SYNPO: variants seen among roughly 807,000 people sequenced by gnomAD.
SYNPO encodes the protein synaptopodin.
Under a neutral mutation model 49.5 loss-of-function variants are expected in SYNPO, and 19 were observed. The ratio of observed to expected loss-of-function variants is 0.38; its 90% CI spans 0.27 to 0.56. The LOEUF (loss-of-function observed/expected upper bound fraction) is 0.56. Among genes scored for constraint, SYNPO ranks in the 20% least tolerant of loss-of-function variants. The pLI, the probability that SYNPO is intolerant of heterozygous loss-of-function variation, is 0.68. For synonymous variants in SYNPO, 536 were observed against 548.0 expected (o/e 0.98, Z 0.31); for missense variants, 1,131 against 1,248.3 (o/e 0.91, Z 1.42).
chr5:150,613,165 AG>A (rs1756895983), intron 1 of SYNPO, among the ~76,000 whole-genome samples: 1 of 149,330 alleles, frequency 6.7e-6, no homozygotes, highest in Non-Finnish European at 1.5e-5. Flanking sequence ...CCTGCCAGCC[AG>A]CCCTTTTTTC....
At chr5:150,603,005 T>G (rs1249714163) in intron 1 of SYNPO, among the ~76,000 whole-genome samples, 6 of 147,114 alleles carry the variant, frequency 4.1e-5, no homozygotes, top group African/African-American at 1.5e-4. Context: ...AGGGTGTGTG[T>G]GTGTGTGTGT....
At chr5:150,646,760 C>T (rs1041078714) in intron 1 of SYNPO, among the ~76,000 whole-genome samples, 8 of 147,240 alleles carry the variant, frequency 5.4e-5, no homozygotes, top group East Asian at 2.0e-4. Flanking sequence ...AAAAAGCAGA[C>T]GGTGGTTTAT....
chr5:150,629,929 A>T (rs1425245256), intron 2 of SYNPO, among the ~76,000 whole-genome samples: 1 of 152,134 alleles, frequency 6.6e-6, no homozygotes, highest in Admixed American at 6.5e-5. Flanking sequence ...CTTCTTCGCA[A>T]CATGGTCTCT....
chr5:150,640,665 A>G lies in SYNPO; in HGVS notation c.-522A>G. 1 of 985,610 alleles carries G rather than the reference A, an allele frequency of 1.0e-6. No individual in the cohort carries two copies. The highest frequency in any genetic ancestry group is 1.2e-6 in the Non-Finnish European group (1 of 829,942). The allele number at this position is 985,610 out of a possible 1,614,324, so 61.1% of individuals were successfully genotyped here. On this transcript the variant is annotated 5_prime_UTR_variant, in exon 1 of 3. Coordinates refer to ENST00000307662, the MANE Select transcript of SYNPO (RefSeq NM_007286.6). ...GTTGCAAAATCGGTTTTCCTGATAA[A>G]GAGCTGGGCTGAGTCATCTGTGGAG...
chr5:150,643,944 G>A lies in SYNPO; in HGVS notation c.-333+3090G>A, dbSNP rs546962763. ...AATCCCAGCACTTTGGGAGGCTGAGGTGGGTGGATCACTTGAGCTCAGGAG... is the reference window on the plus strand; with the variant it reads ...AATCCCAGCACTTTGGGAGGCTGAGATGGGTGGATCACTTGAGCTCAGGAG... On this transcript the variant is annotated intron_variant, in intron 1 of 2. Transcript: ENST00000307662. 3.3e-5 allele frequency among the ~76,000 whole-genome samples: 5 copies of A among 152,202 alleles called. No individual in the cohort carries two copies. The South Asian group carries it at 1.0e-3, about 32-fold the overall frequency.
intron 2 of SYNPO, among the ~76,000 whole-genome samples, chr5:150,631,434 G>T (rs1425200006): frequency 6.6e-6 from 1 of 152,212 alleles, no homozygotes; most frequent in Admixed American, 6.5e-5. Flanking sequence ...GGAGCAGCCA[G>T]TGCAGAGGCC....
At chr5:150,626,770 G>C (rs1337615316) in intron 2 of SYNPO, among the ~76,000 whole-genome samples, 1 of 152,230 alleles carries the variant, frequency 6.6e-6, no homozygotes, top group Non-Finnish European at 1.5e-5. Context: ...CTGGGGCCAA[G>C]GAGGGGAAGA....
chr5:150,592,397 G>A, the SYNPO span, among the ~76,000 whole-genome samples: 1 of 152,108 alleles, frequency 6.6e-6, no homozygotes, highest in African/African-American at 2.4e-5. Context: ...ATGAAAGAGA[G>A]TTTTTAAAGG....
intron 2 of SYNPO, among the ~76,000 whole-genome samples, chr5:150,619,411 T>C (rs975160650): frequency 1.3e-5 from 2 of 152,138 alleles, no homozygotes; most frequent in African/African-American, 4.8e-5. Context: ...CAAGGGCAGA[T>C]AGAACACCAC....
At chr5:150,609,145 T>C (rs1379239963) in intron 1 of SYNPO, among the ~76,000 whole-genome samples, 3 of 152,236 alleles carry the variant, frequency 2.0e-5, no homozygotes, top group Non-Finnish European at 2.9e-5. Context: ...TTTTAAGCCA[T>C]TGACAATGTC....
At chr5:150,637,710 C>T (rs1023056884), upstream of SYNPO, among the ~76,000 whole-genome samples, 1 of 152,216 alleles carries the variant, frequency 6.6e-6, no homozygotes, top group Non-Finnish European at 1.5e-5. Context: ...CATTATCGTT[C>T]CTCCTGCGTT....
exon 2 of SYNPO, chr5:150,618,393 C>A: frequency 6.4e-7 from 1 of 1,551,346 alleles, no homozygotes; most frequent in Non-Finnish European, 8.7e-7. Context: ...CTCCCACCTC[C>A]GCCCCTTGCA....
chr5:150,631,330 AG>A (rs1415355116), intron 2 of SYNPO, among the ~76,000 whole-genome samples: 3 of 152,168 alleles, frequency 2.0e-5, no homozygotes, highest in African/African-American at 7.2e-5. Context: ...GTGACCTCTG[AG>A]GGCCTTGGGA....
chr5:150,629,323 ATAG>A (rs1030158821), intron 2 of SYNPO, among the ~76,000 whole-genome samples: 3 of 152,208 alleles, frequency 2.0e-5, no homozygotes, highest in African/African-American at 7.2e-5. Flanking sequence ...TGGTGGGAGA[ATAG>A]GCACAAGCAC....
intron 1 of SYNPO, among the ~76,000 whole-genome samples, chr5:150,643,209 G>A (rs554979534): frequency 6.6e-6 from 1 of 152,322 alleles, no homozygotes; most frequent in East Asian, 1.9e-4. Context: ...CAGTAACGTA[G>A]AGCCAGGTGT....
chr5:150,616,239 C>G (rs1756980971), intron 1 of SYNPO, among the ~76,000 whole-genome samples: 1 of 152,236 alleles, frequency 6.6e-6, no homozygotes, highest in Admixed American at 6.5e-5. Context: ...TGCCTGACCC[C>G]TGCTTGGGGG....
upstream of SYNPO, among the ~76,000 whole-genome samples, chr5:150,638,888 G>A (rs555757430): frequency 2.6e-5 from 4 of 152,332 alleles, no homozygotes; most frequent in South Asian, 6.2e-4. Flanking sequence ...GCTGGGGAGA[G>A]TGAAACAGCA....
At chr5:150,650,885 G>A (rs891791310) in intron 2 of SYNPO, 12 of 1,258,094 alleles carry the variant, frequency 9.5e-6, no homozygotes, top group South Asian at 3.9e-5. Flanking sequence ...TCTGGACACC[G>A]TTTCCTCTCC....
chr5:150,597,397 T>G (rs1378987219), upstream of SYNPO, among the ~76,000 whole-genome samples: 2 of 152,220 alleles, frequency 1.3e-5, no homozygotes, highest in East Asian at 3.8e-4. Flanking sequence ...AATGGTGCAA[T>G]CTCGGCTCAC....
Sources: allele counts gnomAD v4.1 joint callset (sites outside exome capture counted in the v4.1 genomes callset), GRCh38; gene constraint gnomAD v4.1.1; transcripts MANE v1.5; gene names NCBI Gene and HGNC (gene_info 2026-07-23, HGNC 2026-07-21).